The following ASCC3 variants were observed in gnomAD, a reference collection of about 807,000 sequenced individuals.
The protein encoded by ASCC3 is ASC-1 complex subunit P200.
A neutral mutation model predicts 256.3 loss-of-function variants in ASCC3; 158 were observed. The observed-to-expected ratio is 0.62, with a 90% CI of 0.54 to 0.70. The LOEUF is 0.70. Ranked by LOEUF, ASCC3 falls within the 30% of genes least tolerant of loss-of-function variation. The pLI is 0.00. For missense variants in ASCC3, 2,259 were observed against 2,626.0 expected, an observed-to-expected ratio of 0.86 and a Z score of 3.05; for synonymous variants, 948 against 883.4, an observed-to-expected ratio of 1.07 and a Z score of -1.30.
In ASCC3 at chr6:100,715,488, A is replaced by G. The variant is rs145057589; in HGVS notation, c.2125T>C (p.Leu709=). Residue 709 remains leucine, a synonymous_variant, in exon 13 of 42, where the codon TTG becomes CTG. Coordinates refer to ENST00000369162, the MANE Select transcript of ASCC3 (RefSeq NM_006828.4). ...NMDEVCYENV[L]KQVKAGHQVM... is the part of the protein sequence containing the mutation. ...TGGTGTCCAGCCTTTACTTGCTTCA[A>G]AACATTTTCATAACATACTTCATCC... is the stretch of plus-strand genomic sequence containing the variant. The G allele has an allele frequency of 3.1e-4, 500 of 1,611,526 alleles. 1 individual carries two copies. The African/African-American group carries it at 5.5e-3, about 18-fold the overall frequency.
intron 14 of ASCC3, among the ~76,000 whole-genome samples, chr6:100,667,129 A>G (rs1776515273): frequency 6.6e-6 from 1 of 152,206 alleles, no homozygotes; most frequent in South Asian, 2.1e-4. Flanking sequence ...TGTATCGCTA[A>G]CATTTGGCAG....
chr6:100,576,057 A>G (rs1770842450), intron 36 of ASCC3, among the ~76,000 whole-genome samples: 1 of 152,048 alleles, frequency 6.6e-6, no homozygotes, highest in African/African-American at 2.4e-5. Context: ...TACTTACTCC[A>G]TGCCACGTAA....
At chr6:100,798,601 C>T (rs918189259) in intron 8 of ASCC3, 112 bp downstream of exon 8, 1 of 1,516,694 alleles carries the variant, frequency 6.6e-7, no homozygotes, top group Non-Finnish European at 9.0e-7. Flanking sequence ...CTATATATGT[C>T]TGTACTGTAT....
intron 20 of ASCC3, among the ~76,000 whole-genome samples, chr6:100,648,888 A>G (rs995527117): frequency 1.3e-5 from 2 of 151,926 alleles, no homozygotes; most frequent in African/African-American, 4.8e-5. Context: ...GTTCAAAATA[A>G]TAAGTCTATA....
intron 10 of ASCC3, among the ~76,000 whole-genome samples, chr6:100,757,346 A>G (rs1469085949): frequency 6.6e-6 from 1 of 152,140 alleles, no homozygotes; most frequent in Non-Finnish European, 1.5e-5. Context: ...CAAAGATAAT[A>G]TTATAATTCA....
chr6:100,714,079 AT>A (rs1368331344), intron 13 of ASCC3, among the ~76,000 whole-genome samples: 2 of 152,160 alleles, frequency 1.3e-5, no homozygotes, highest in African/African-American at 4.8e-5. Flanking sequence ...CAAGCCGCCT[AT>A]TTTTGTAAAT....
At chr6:100,748,541 G>A (rs908296987) in intron 10 of ASCC3, among the ~76,000 whole-genome samples, 2 of 152,030 alleles carry the variant, frequency 1.3e-5, no homozygotes, top group African/African-American at 4.8e-5. Flanking sequence ...AGAGAGCACA[G>A]ATATTATTCT....
intron 19 of ASCC3, 27 bp from the exon 20 acceptor site, chr6:100,650,741 A>G: frequency 6.4e-7 from 1 of 1,561,854 alleles, no homozygotes; most frequent in Non-Finnish European, 8.8e-7. Flanking sequence ...ATTTATTGGA[A>G]TTTTGGGGCT....
In ASCC3 at chr6:100,752,074, AACAG is replaced by A. The variant is rs1780969117; in HGVS notation, c.1737+14487_1737+14490del. On this transcript the variant is annotated intron_variant, in intron 10 of 41. Coordinates refer to ENST00000369162, the MANE Select transcript of ASCC3 (RefSeq NM_006828.4). Reference sequence around the variant, plus strand: ...AATGTTTCTGCCTCTTACCCTTAAGAACAGCTGTGCTTTTCCAGATCAAATGGTC... The same window carrying A: ...AATGTTTCTGCCTCTTACCCTTAAGACTGTGCTTTTCCAGATCAAATGGTC... Among the ~76,000 whole-genome samples, 3 of 152,248 alleles carry A rather than the reference AACAG, an allele frequency of 2.0e-5. No homozygotes were observed. In the East Asian group the frequency reaches 5.8e-4, roughly 29 times the overall value.
chr6:100,798,716 A>AT lies in ASCC3; in HGVS notation c.1391dup (p.Asp464GlufsTer2). The AT allele has an allele frequency of 6.2e-7, 1 of 1,612,430 alleles. No individual in the cohort carries two copies. The highest frequency in any genetic ancestry group is 8.5e-7 in the Non-Finnish European group (1 of 1,179,302). On this transcript the variant is annotated frameshift_variant, in exon 8 of 42. Transcript: ENST00000369162. LOFTEE classifies it high-confidence loss of function. ...CTCTATAAAAGGCTCATCTCACCTC[A>AT]TCTAAGTCTTGGATATAAACTGGCT...
chr6:100,521,748 T>G (rs1168130481), intron 37 of ASCC3, among the ~76,000 whole-genome samples: 2 of 152,190 alleles, frequency 1.3e-5, no homozygotes, highest in African/African-American at 4.8e-5. Context: ...CAAGTGACTG[T>G]TCAGAGATCC....
intron 36 of ASCC3, among the ~76,000 whole-genome samples, chr6:100,578,675 C>A (rs373635924): frequency 6.6e-6 from 1 of 151,938 alleles, no homozygotes; most frequent in African/African-American, 2.4e-5. Flanking sequence ...TGTTGACGGG[C>A]ATTTAGGTTG....
intron 17 of ASCC3, among the ~76,000 whole-genome samples, chr6:100,655,046 T>G (rs1775851400): frequency 1.3e-5 from 2 of 151,956 alleles, no homozygotes; most frequent in Non-Finnish European, 2.9e-5. Flanking sequence ...ATGTTTTCAT[T>G]AGACAACAAC....
intron 14 of ASCC3, among the ~76,000 whole-genome samples, chr6:100,663,031 T>G (rs901067029): frequency 1.3e-5 from 2 of 152,070 alleles, no homozygotes; most frequent in Non-Finnish European, 2.9e-5. Context: ...GCCTTTACAC[T>G]TTTACTTCAG....
intron 41 of ASCC3, 122 bp downstream of exon 41, chr6:100,509,810 C>T: frequency 9.9e-7 from 1 of 1,008,436 alleles, no homozygotes; most frequent in Non-Finnish European, 1.5e-6. Flanking sequence ...ATGGCGTGAA[C>T]CCGGGAGGCG....
At chr6:100,643,582 C>A (rs1271947613) in intron 23 of ASCC3, among the ~76,000 whole-genome samples, 1 of 152,110 alleles carries the variant, frequency 6.6e-6, no homozygotes, top group East Asian at 1.9e-4. Flanking sequence ...GGTATAGCCT[C>A]CTAAATATCT....
At chr6:100,700,420 G>T (rs1430064995) in intron 13 of ASCC3, among the ~76,000 whole-genome samples, 2 of 152,152 alleles carry the variant, frequency 1.3e-5, no homozygotes, top group Admixed American at 1.3e-4. Flanking sequence ...CTTTGCTAGG[G>T]TGGGAGCCTC....
chr6:100,804,075 A>T (rs1356581219), intron 5 of ASCC3, among the ~76,000 whole-genome samples: 1 of 152,050 alleles, frequency 6.6e-6, no homozygotes, highest in East Asian at 1.9e-4. Flanking sequence ...CCAACTCTTA[A>T]TTTTTCCGGG....
Position 100,647,299 on chromosome 6 carries a change from T to C in ASCC3, c.3405A>G (p.Pro1135=). 9 of 1,614,038 alleles carry C rather than the reference T, an allele frequency of 5.6e-6. No homozygotes were observed. The highest frequency in any genetic ancestry group is 7.6e-6 in the Non-Finnish European group (9 of 1,179,958). Residue 1135 remains proline, a synonymous_variant, in exon 21 of 42, where the codon CCA becomes CCG. Transcript: ENST00000369162. ...SPLRQFSILP[P]HILTRLEEKK... ...TTTCTTCTAATCTTGTTAGGATGTG[T>C]GGTGGTAGGATTGAAAATTGTCTCA...
Sources: allele counts gnomAD v4.1 joint callset (sites outside exome capture counted in the v4.1 genomes callset), GRCh38; gene constraint gnomAD v4.1.1; transcripts MANE v1.5; gene names NCBI Gene and HGNC (gene_info 2026-07-23, HGNC 2026-07-21).